The following HCRTR2 variants were observed in gnomAD, a reference collection of about 807,000 sequenced individuals.
The protein encoded by HCRTR2 is orexin receptor type 2.
HCRTR2 carries 22 observed loss-of-function variants against 49.0 expected under a neutral mutation model. The observed-to-expected ratio is 0.45, with a 90% confidence interval of 0.32 to 0.64. The LOEUF (loss-of-function observed/expected upper bound fraction) is 0.64. HCRTR2 is among the 30% of genes least tolerant of loss of function. The pLI is 0.04. For synonymous variants in HCRTR2, 236 were observed against 205.3 expected (o/e 1.15, Z -1.28); for missense variants, 491 against 559.4 (o/e 0.88, Z 1.23).
intron 1 of HCRTR2, among the ~76,000 whole-genome samples, chr6:55,129,024 T>C (rs1344378963): frequency 6.6e-6 from 1 of 152,168 alleles, no homozygotes; most frequent in Non-Finnish European, 1.5e-5. Flanking sequence ...TCAACAATTC[T>C]GATCTTTGTT....
intron 1 of HCRTR2, among the ~76,000 whole-genome samples, chr6:55,219,183 C>T (rs888426963): frequency 3.9e-5 from 6 of 152,128 alleles, no homozygotes; most frequent in African/African-American, 9.7e-5. Flanking sequence ...GATTGAACAA[C>T]GTAGACCAAA....
intron 1 of HCRTR2, among the ~76,000 whole-genome samples, chr6:55,199,695 GA>G (rs543581546): frequency 2.0e-5 from 3 of 151,916 alleles, no homozygotes; most frequent in Non-Finnish European, 2.9e-5. Context: ...GTTTAATTTC[GA>G]AAAAAATATT....
chr6:55,271,540 T>C (rs1766972422), intron 4 of HCRTR2, among the ~76,000 whole-genome samples: 1 of 152,108 alleles, frequency 6.6e-6, no homozygotes, highest in African/African-American at 2.4e-5. Context: ...CATTAGACAT[T>C]ATCAAAACAA....
At chr6:55,126,520 T>A (rs113312346) in intron 1 of HCRTR2, among the ~76,000 whole-genome samples, 18,960 of 152,214 alleles carry the variant, frequency 0.12, 1,618 homozygotes, top group South Asian at 0.21. Flanking sequence ...AGAGCTCTCC[T>A]GTATGAGGTG....
At chr6:55,219,110 C>A (rs758944729) in intron 1 of HCRTR2, among the ~76,000 whole-genome samples, 4 of 152,134 alleles carry the variant, frequency 2.6e-5, no homozygotes, top group Non-Finnish European at 5.9e-5. Context: ...CATGAGCCAC[C>A]GTGCTCAGGA....
intron 1 of HCRTR2, among the ~76,000 whole-genome samples, chr6:55,125,039 A>T (rs1338936304): frequency 6.6e-6 from 1 of 151,764 alleles, no homozygotes; most frequent in Non-Finnish European, 1.5e-5. Flanking sequence ...TGAATACAGC[A>T]CATTGATGGG....
chr6:55,227,630 T>A (rs7755590), intron 1 of HCRTR2, among the ~76,000 whole-genome samples: 9,428 of 152,204 alleles, frequency 0.062, 430 homozygotes, highest in African/African-American at 0.13. Flanking sequence ...CCTATTCCCA[T>A]GAAAACTGTA....
intron 6 of HCRTR2, 146 bp from the exon 7 acceptor site, chr6:55,282,079 T>C (rs1767200958): frequency 4.6e-6 from 3 of 645,636 alleles, no homozygotes; most frequent in Admixed American, 2.4e-5. Context: ...TAAACTCAAT[T>C]TCCTTATTCT....
At chr6:55,234,034 A>G (rs1221192388) in intron 1 of HCRTR2, among the ~76,000 whole-genome samples, 3 of 152,108 alleles carry the variant, frequency 2.0e-5, no homozygotes, top group Non-Finnish European at 4.4e-5. Flanking sequence ...GATCCATCCT[A>G]TTATCTAAAA....
chr6:55,217,588 T>C (rs1341387597), intron 1 of HCRTR2, among the ~76,000 whole-genome samples: 3 of 152,226 alleles, frequency 2.0e-5, no homozygotes, highest in Non-Finnish European at 2.9e-5. Context: ...ATACCAAGTA[T>C]GACCTTTATT....
rs114266957 is a variant in HCRTR2, at chr6:55,109,533, C to T, written c.-378+2988C>T. Among the ~76,000 whole-genome samples, 193 of 151,846 alleles carry T rather than the reference C, an allele frequency of 1.3e-3. 4 individuals are homozygous for T. Among genetic ancestry groups the T allele is most frequent in the African/African-American group, 4.5e-3 (186 of 41,436 alleles). On this transcript the variant is annotated intron_variant, in intron 1 of 7. Coordinates refer to the HCRTR2 transcript ENST00000615358. ...AAATAGGTAGCATAAGAAACAATCA[C>T]AACTTATGGGAATGAAGGACACACT...
At chr6:55,263,636 A>T in intron 3 of HCRTR2, 71 bp from the exon 4 acceptor site, 1 of 794,060 alleles carries the variant, frequency 1.3e-6, no homozygotes, top group Non-Finnish European at 2.2e-6. Flanking sequence ...GAAGAAAAGC[A>T]TTGACATGTA....
chr6:55,149,053 C>A (rs911560105), intron 1 of HCRTR2, among the ~76,000 whole-genome samples: 3 of 151,976 alleles, frequency 2.0e-5, no homozygotes, highest in African/African-American at 7.2e-5. Context: ...AACCTTAAGG[C>A]AATTGTCTAG....
chr6:55,156,690 G>A (rs1447300276), intron 1 of HCRTR2, among the ~76,000 whole-genome samples: 1 of 151,706 alleles, frequency 6.6e-6, no homozygotes, highest in African/African-American at 2.4e-5. Context: ...GTATTTTAAA[G>A]GACTATACAC....
intron 1 of HCRTR2, among the ~76,000 whole-genome samples, chr6:55,149,834 G>A (rs1764640276): frequency 6.6e-6 from 1 of 151,928 alleles, no homozygotes; most frequent in Non-Finnish European, 1.5e-5. Flanking sequence ...CAAGACAAAT[G>A]TACTTGGCTT....
Position 55,191,774 on chromosome 6 carries a change from AT to A in HCRTR2, c.223+16973del, listed in dbSNP as rs572538880. ...GTCTACACTAAGAGTTTAGAAATGC[AT>A]TTTTTTTTCACAGAAATATCCTTAA... On this transcript the variant is annotated intron_variant, in intron 1 of 6. Transcript: ENST00000370862. 1.6e-3 allele frequency among the ~76,000 whole-genome samples: 249 copies of A among 151,266 alleles called. 3 individuals carry two copies. In the Middle Eastern group the frequency reaches 0.034, roughly 21 times the overall value.
At chr6:55,192,060 A>AT (rs891516581) in intron 1 of HCRTR2, among the ~76,000 whole-genome samples, 14 of 152,006 alleles carry the variant, frequency 9.2e-5, no homozygotes, top group Admixed American at 8.5e-4. Context: ...GTAAGTCTAA[A>AT]TTTTTTTTCT....
In HCRTR2 at chr6:55,263,691, T is replaced by A. The variant is rs1766810764; in HGVS notation, c.647-16T>A. On this transcript the variant is annotated splice_polypyrimidine_tract_variant and intron_variant, in intron 3 of 6. Coordinates refer to ENST00000370862, the MANE Select transcript of HCRTR2 (RefSeq NM_001384272.1). The stretch of plus-strand genomic sequence containing the variant: ...AATTGTAACGTAAGGTTTTGTTGTT[T>A]TGACTTTCATCCTAGGTGAAATTTA... 2 of 1,430,984 alleles carry A rather than the reference T, an allele frequency of 1.4e-6. No individual in the cohort carries two copies. The highest frequency in any genetic ancestry group is 2.0e-6 in the Non-Finnish European group (2 of 1,015,106). The allele number at this position is 1,430,984 out of a possible 1,614,324, so 88.6% of individuals were successfully genotyped here.
chr6:55,282,628 AC>A, downstream of HCRTR2: 1 of 600,516 alleles, frequency 1.7e-6, no homozygotes, highest in Non-Finnish European at 2.9e-6. Context: ...TGATTTCTCA[AC>A]TTTTGATTTA....
Sources: allele counts gnomAD v4.1 joint callset (sites outside exome capture counted in the v4.1 genomes callset), GRCh38; gene constraint gnomAD v4.1.1; transcripts MANE v1.5; gene names NCBI Gene and HGNC (gene_info 2026-07-23, HGNC 2026-07-21).